The following SLC44A5 variants were observed in gnomAD, a reference collection of about 807,000 sequenced individuals.
SLC44A5 encodes the protein choline transporter-like protein 5.
In SLC44A5, 57 loss-of-function variants were observed where a neutral mutation model predicts 101.8. The observed-to-expected ratio is 0.56, with a 90% CI of 0.45 to 0.70. The LOEUF is 0.70. SLC44A5 is among the 30% of genes least tolerant of loss of function. SLC44A5 has a pLI of 0.00. For missense variants in SLC44A5, 737 were observed against 853.1 expected (o/e 0.86, Z 1.70); for synonymous variants, 281 against 290.9 (o/e 0.97, Z 0.35).
chr1:75,419,222 A>G (rs1557765817), intron 2 of SLC44A5, among the ~76,000 whole-genome samples: 1 of 152,156 alleles, frequency 6.6e-6, no homozygotes, highest in Non-Finnish European at 1.5e-5. Flanking sequence ...TTTTTTTTAA[A>G]TTGGAATAAA....
chr1:75,503,084 GAAGT>G (rs1669055073), intron 2 of SLC44A5, among the ~76,000 whole-genome samples: 1 of 152,088 alleles, frequency 6.6e-6, no homozygotes, highest in Non-Finnish European at 1.5e-5. Flanking sequence ...TGTTTTATTC[GAAGT>G]AATACAGCCA....
chr1:75,519,424 G>A (rs559938595), intron 2 of SLC44A5, among the ~76,000 whole-genome samples: 23 of 152,164 alleles, frequency 1.5e-4, no homozygotes, highest in Middle Eastern at 3.4e-3. Flanking sequence ...CGGGCATGGC[G>A]GCACATGCCT....
intron 3 of SLC44A5, among the ~76,000 whole-genome samples, chr1:75,372,102 C>T (rs924038027): frequency 2.0e-5 from 3 of 149,360 alleles, no homozygotes; most frequent in African/African-American, 5.0e-5. Flanking sequence ...GAAGCTGACA[C>T]AGGAGAATTG....
intron 2 of SLC44A5, among the ~76,000 whole-genome samples, chr1:75,503,942 A>G (rs985780834): frequency 6.6e-6 from 1 of 152,092 alleles, no homozygotes; most frequent in Non-Finnish European, 1.5e-5. Context: ...TTTTAAAGAG[A>G]GATTTTTTTT....
chr1:75,258,034 G>T (rs1055752916), intron 6 of SLC44A5, among the ~76,000 whole-genome samples: 3 of 152,052 alleles, frequency 2.0e-5, no homozygotes, highest in African/African-American at 4.8e-5. Context: ...TTTTCCCACG[G>T]TCTTCGCAAC....
chr1:75,447,491 C>T (rs1665655641), intron 2 of SLC44A5, among the ~76,000 whole-genome samples: 1 of 152,032 alleles, frequency 6.6e-6, no homozygotes, highest in African/African-American at 2.4e-5. Flanking sequence ...TTTGAGATAT[C>T]ATGGAAAACA....
At chr1:75,415,224 G>A (rs1021412897) in intron 2 of SLC44A5, among the ~76,000 whole-genome samples, 1 of 152,264 alleles carries the variant, frequency 6.6e-6, no homozygotes, top group Admixed American at 6.5e-5. Context: ...CACGTGTTGT[G>A]GGAGGGACCT....
chr1:75,323,443 T>C (rs1656336049), intron 4 of SLC44A5, among the ~76,000 whole-genome samples: 1 of 152,126 alleles, frequency 6.6e-6, no homozygotes, highest in Non-Finnish European at 1.5e-5. Flanking sequence ...TTATAGTCCT[T>C]TGGGTATATA....
At chr1:75,290,409 G>C (rs1653443406) in intron 5 of SLC44A5, among the ~76,000 whole-genome samples, 1 of 152,178 alleles carries the variant, frequency 6.6e-6, no homozygotes, top group African/African-American at 2.4e-5. Context: ...GAAATAAGCA[G>C]GAGTTGATGT....
chr1:75,441,076 G>A (rs1171449270), intron 2 of SLC44A5, among the ~76,000 whole-genome samples: 2 of 151,940 alleles, frequency 1.3e-5, no homozygotes, highest in Admixed American at 1.3e-4. Context: ...CAAATGTTCT[G>A]GAATCCTTGA....
chr1:75,286,373 G>A (rs939341346), intron 5 of SLC44A5, among the ~76,000 whole-genome samples: 1 of 152,064 alleles, frequency 6.6e-6, no homozygotes, highest in Non-Finnish European at 1.5e-5. Flanking sequence ...TTATCTGTCA[G>A]GTGAGTCTCT....
chr1:75,496,610 C>CAAAA (rs113836655), intron 2 of SLC44A5, among the ~76,000 whole-genome samples: 1 of 129,590 alleles, frequency 7.7e-6, no homozygotes, highest in Non-Finnish European at 1.7e-5. Context: ...ACAACAACAA[C>CAAAA]AAAAAAAAAA....
intron 1 of SLC44A5, among the ~76,000 whole-genome samples, chr1:75,587,600 A>C (rs1325950644): frequency 6.6e-6 from 1 of 152,188 alleles, no homozygotes; most frequent in Non-Finnish European, 1.5e-5. Context: ...TTTTGGTAAT[A>C]AATTTTTTTG....
intron 3 of SLC44A5, among the ~76,000 whole-genome samples, chr1:75,361,391 C>G (rs1448522108): frequency 6.6e-6 from 1 of 152,052 alleles, no homozygotes; most frequent in Non-Finnish European, 1.5e-5. Flanking sequence ...TATCCCTGAT[C>G]TTAGAGGAAA....
chr1:75,710,672 A>G, the SLC44A5 span: 1 of 152,056 alleles, frequency 6.6e-6, no homozygotes. Flanking sequence ...ACTAGGCACA[A>G]TTTAGCTTGA....
the SLC44A5 span, among the ~76,000 whole-genome samples, chr1:75,666,208 T>C: frequency 8.5e-5 from 13 of 152,260 alleles, no homozygotes; most frequent in Middle Eastern, 3.4e-3. Context: ...AGCAAAGACA[T>C]GTAATCAACC....
intron 2 of SLC44A5, among the ~76,000 whole-genome samples, chr1:75,468,698 TG>T (rs1400625716): frequency 6.6e-6 from 1 of 152,084 alleles, no homozygotes; most frequent in African/African-American, 2.4e-5. Context: ...GTTTGGGGGA[TG>T]TGGGGATGGT....
At chr1:75,328,063 C>G (rs2100988268) in intron 4 of SLC44A5, among the ~76,000 whole-genome samples, 1 of 152,344 alleles carries the variant, frequency 6.6e-6, no homozygotes, top group African/African-American at 2.4e-5. Context: ...CGCCCCAGGG[C>G]CCCAGTCCAC....
At chr1:75,704,833 C>T in the SLC44A5 span, among the ~76,000 whole-genome samples, 1 of 152,032 alleles carries the variant, frequency 6.6e-6, no homozygotes, top group Non-Finnish European at 1.5e-5. Context: ...ATTACATAGT[C>T]GGGGATCTCC....
Sources: allele counts gnomAD v4.1 joint callset (sites outside exome capture counted in the v4.1 genomes callset), GRCh38; gene constraint gnomAD v4.1.1; transcripts MANE v1.5; gene names NCBI Gene and HGNC (gene_info 2026-07-23, HGNC 2026-07-21).